Variants in DENND2C observed in about 807,000 individuals in gnomAD.
The protein encoded by DENND2C is DENN domain-containing protein 2C.
In DENND2C, 72 loss-of-function variants were observed where a neutral mutation model predicts 112.4. The observed-to-expected ratio is 0.64, with a 90% CI of 0.53 to 0.78. DENND2C has a LOEUF of 0.78. Among genes scored for constraint, DENND2C ranks in the 30% least tolerant of loss-of-function variants. DENND2C has a pLI of 0.00. For missense variants in DENND2C, 992 were observed against 1,113.8 expected (o/e 0.89, Z 1.56); for synonymous variants, 329 against 381.6 (o/e 0.86, Z 1.61).
intron 8 of DENND2C, among the ~76,000 whole-genome samples, chr1:114,612,665 G>A (rs1052743893): frequency 5.0e-4 from 76 of 152,150 alleles, no homozygotes; most frequent in African/African-American, 1.5e-3. Flanking sequence ...GATTACAGGC[G>A]TGTGCCGCCA....
intron 10 of DENND2C, among the ~76,000 whole-genome samples, chr1:114,608,267 TA>T (rs540867731): frequency 2.2e-3 from 310 of 140,920 alleles, no homozygotes; most frequent in Admixed American, 2.4e-3. Context: ...AGACTCCATC[TA>T]AAAAAAAAAA....
chr1:114,631,887 T>C (rs1656501270), intron 3 of DENND2C, among the ~76,000 whole-genome samples: 1 of 152,144 alleles, frequency 6.6e-6, no homozygotes, highest in South Asian at 2.1e-4. Flanking sequence ...AATTCAGCTA[T>C]TATAAATATT....
intron 1 of DENND2C, among the ~76,000 whole-genome samples, chr1:114,666,923 T>C (rs912752113): frequency 1.1e-4 from 17 of 152,220 alleles, no homozygotes; most frequent in Admixed American, 5.9e-4. Context: ...CCACATTACC[T>C]AGCAATTTTA....
chr1:114,599,847 G>A (rs1480608677), intron 15 of DENND2C, among the ~76,000 whole-genome samples: 1 of 151,996 alleles, frequency 6.6e-6, no homozygotes, highest in African/African-American at 2.4e-5. Context: ...CTAGATAACT[G>A]AGAGACTGAT....
chr1:114,643,229 T>C (rs930636055), intron 3 of DENND2C, among the ~76,000 whole-genome samples: 1 of 152,216 alleles, frequency 6.6e-6, no homozygotes, highest in Non-Finnish European at 1.5e-5. Flanking sequence ...CAGCAGAGGA[T>C]GCTAAGGCTT....
At chr1:114,587,263 T>A in intron 20 of DENND2C, 124 bp downstream of exon 20, 1 of 1,021,462 alleles carries the variant, frequency 9.8e-7, no homozygotes, top group Non-Finnish European at 1.5e-6. Context: ...CCCACGCTGG[T>A]CTCAAACTCC....
chr1:114,590,387 T>C (rs1461637629), intron 18 of DENND2C, among the ~76,000 whole-genome samples: 2 of 151,810 alleles, frequency 1.3e-5, no homozygotes, highest in Non-Finnish European at 2.9e-5. Context: ...TGAAACCTTA[T>C]CTCAAAAAAA....
chr1:114,650,972 G>A (rs1657143399), intron 2 of DENND2C, among the ~76,000 whole-genome samples: 1 of 150,726 alleles, frequency 6.6e-6, no homozygotes, highest in Non-Finnish European at 1.5e-5. Context: ...AGCTGGGTGT[G>A]GTGGCAAGCG....
Position 114,652,782 on chromosome 1 carries a change from A to G in DENND2C, c.-317+1723T>C, listed in dbSNP as rs547117535. On this transcript the variant is annotated intron_variant, in intron 2 of 20. Coordinates refer to ENST00000393274, the MANE Select transcript of DENND2C (RefSeq NM_001256404.2). ...CTACAGCCTTGAACTCCCGGGCTCA[A>G]GTGATTGTCCCACCTCAGCCTCCCA... Among the ~76,000 whole-genome samples the G allele has an allele frequency of 2.9e-3, 431 of 150,972 alleles. 3 individuals are homozygous for G. Among genetic ancestry groups the G allele is most frequent in the African/African-American group, 9.7e-3 (398 of 41,072 alleles).
chr1:114,622,142 C>A, intron 6 of DENND2C, 77 bp from the exon 7 acceptor site: 1 of 1,414,220 alleles, frequency 7.1e-7, no homozygotes, highest in African/African-American at 1.4e-5. Flanking sequence ...GAGATGGGGT[C>A]TTGCTCTGTC....
chr1:114,609,000 G>T, intron 9 of DENND2C, 127 bp from the exon 10 acceptor site: 1 of 1,025,304 alleles, frequency 9.8e-7, no homozygotes, highest in Non-Finnish European at 1.4e-6. Flanking sequence ...TGAATAACCA[G>T]CATCTGCCAC....
chr1:114,617,793 T>A (rs1018208970), intron 8 of DENND2C, among the ~76,000 whole-genome samples: 1 of 152,102 alleles, frequency 6.6e-6, no homozygotes, highest in Non-Finnish European at 1.5e-5. Flanking sequence ...TACTGATAAA[T>A]GATTATAAAT....
intron 18 of DENND2C, among the ~76,000 whole-genome samples, chr1:114,588,194 C>T (rs920720781): frequency 6.6e-6 from 1 of 152,202 alleles, no homozygotes. Context: ...CTGGCTTGCA[C>T]ATCTGTTGAT....
intron 3 of DENND2C, among the ~76,000 whole-genome samples, chr1:114,635,026 T>TAAAA (rs374636363): frequency 1.1e-5 from 1 of 94,702 alleles, no homozygotes; most frequent in Non-Finnish European, 2.0e-5. Flanking sequence ...AGACTCCGTC[T>TAAAA]AAAAAAAAAA....
At chr1:114,594,850 A>C (rs1479050587) in intron 17 of DENND2C, among the ~76,000 whole-genome samples, 1 of 152,190 alleles carries the variant, frequency 6.6e-6, no homozygotes, top group Non-Finnish European at 1.5e-5. Flanking sequence ...TATTATGAAG[A>C]TCATCCACAA....
At chr1:114,654,978 AC>A (rs1657269310) in intron 1 of DENND2C, among the ~76,000 whole-genome samples, 1 of 152,106 alleles carries the variant, frequency 6.6e-6, no homozygotes, top group Admixed American at 6.6e-5. Context: ...CCCATATAAC[AC>A]TTTTGCTATG....
In DENND2C at chr1:114,587,491, T is replaced by C. The variant is rs778950700; in HGVS notation, c.2669-18A>G. ...AAACAAACCTACAAGGAAAAACTCA[T>C]GTTGGTGAAACTGTGTAACACTCCA... On this transcript the variant is annotated intron_variant, in intron 19 of 20. Transcript: ENST00000393274. The C allele has an allele frequency of 7.4e-6, 12 of 1,613,670 alleles. No homozygotes were observed. The Admixed American group carries it at 1.5e-4, about 20-fold the overall frequency.
Position 114,618,457 on chromosome 1 carries a change from A to G in DENND2C, c.1253T>C (p.Phe418Ser), listed in dbSNP as rs1656063540. The G allele has an allele frequency of 1.9e-6, 3 of 1,591,088 alleles. No homozygotes were observed. Among genetic ancestry groups the G allele is most frequent in the Non-Finnish European group, 2.6e-6 (3 of 1,170,872 alleles). ...PRLVLKIDDI[F>S]ESKRGKKKVK... is the part of the protein sequence containing the mutation. The stretch of plus-strand genomic sequence containing the variant: ...CTTCTTCTTCCCTCTTTTAGATTCA[A>G]ATATGTCATCTATTTTCAATACAAG... Residue 418 changes from phenylalanine to serine, a missense_variant, in exon 8 of 21, where the codon TTT becomes TCT. Around this residue, in one of 3 missense-constraint regions of DENND2C, gnomAD observed 516 missense variants for 623.6 expected, o/e 0.83. Coordinates refer to ENST00000393274, the MANE Select transcript of DENND2C (RefSeq NM_001256404.2).
intron 16 of DENND2C, 21 bp downstream of exon 16, chr1:114,599,253 G>T (rs1655426909): frequency 1.3e-6 from 2 of 1,562,318 alleles, no homozygotes; most frequent in Non-Finnish European, 1.7e-6. Context: ...TCCAATATTA[G>T]GTTCCATTCT....
Sources: allele counts gnomAD v4.1 joint callset (sites outside exome capture counted in the v4.1 genomes callset), GRCh38; gene constraint gnomAD v4.1.1; regional missense constraint gnomAD v4.1.1; transcripts MANE v1.5; gene names NCBI Gene and HGNC (gene_info 2026-07-23, HGNC 2026-07-21).